Variants in PAK5 observed in about 807,000 individuals in gnomAD.
PAK5 encodes serine/threonine-protein kinase PAK 5.
PAK5 carries 16 observed loss-of-function variants against 65.9 expected under a neutral mutation model. That is an observed-to-expected ratio of 0.24 (90% CI 0.16 to 0.37). The LOEUF is 0.37. Ranked by LOEUF, PAK5 falls within the 10% of genes least tolerant of loss-of-function variation. The pLI, the probability that PAK5 is intolerant of heterozygous loss-of-function variation, is 1.00. For synonymous variants in PAK5, 371 were observed against 354.9 expected, an observed-to-expected ratio of 1.05 and a Z score of -0.51; for missense variants, 785 against 903.9, an observed-to-expected ratio of 0.87 and a Z score of 1.69.
In PAK5 at chr20:9,565,717, A is replaced by G. The variant is rs535403659; in HGVS notation, c.1482+176T>C. Among the ~76,000 whole-genome samples, 53 of 152,366 alleles carry G rather than the reference A, an allele frequency of 3.5e-4. 1 individual carries two copies. The Middle Eastern group carries it at 0.01, about 29-fold the overall frequency. ...TACACATGAAGTACTTTATAGATGT[A>G]ACAGCCATATATGTGCATAGAAAAA... On this transcript the variant is annotated intron_variant, in intron 5 of 9. Coordinates refer to ENST00000353224, the MANE Select transcript of PAK5 (RefSeq NM_177990.4).
chr20:9,804,414 A>G (rs911090379), intron 1 of PAK5, among the ~76,000 whole-genome samples: 2 of 152,186 alleles, frequency 1.3e-5, no homozygotes, highest in African/African-American at 2.4e-5. Flanking sequence ...AAAAATTCAT[A>G]CATCTATGGT....
chr20:9,746,376 C>T lies in PAK5; in HGVS notation c.-161-34941G>A, dbSNP rs534560324. Among the ~76,000 whole-genome samples, 11 of 152,234 alleles carry T rather than the reference C, an allele frequency of 7.2e-5. 1 individual carries two copies. Among genetic ancestry groups the T allele is most frequent in the Admixed American group, 3.3e-4 (5 of 15,284 alleles). Reference sequence around the variant, plus strand: ...CATTCCTCGAGCTGAACCAGAAAAGCCAACAGTACCAAATCTCTAACTTTT... The same window carrying T: ...CATTCCTCGAGCTGAACCAGAAAAGTCAACAGTACCAAATCTCTAACTTTT... On this transcript the variant is annotated intron_variant, in intron 1 of 9. Coordinates refer to ENST00000353224, the MANE Select transcript of PAK5 (RefSeq NM_177990.4).
chr20:9,828,557 C>T (rs1265650989), intron 1 of PAK5, among the ~76,000 whole-genome samples: 1 of 152,142 alleles, frequency 6.6e-6, no homozygotes, highest in Non-Finnish European at 1.5e-5. Context: ...CCAGAAAGTT[C>T]ACTTCCTGGG....
chr20:9,580,619 T>C lies in PAK5; in HGVS notation c.516A>G (p.Val172=), dbSNP rs115731613. The change falls in exon 4 of 10, where the codon GTA becomes GTG. Residue 172 remains valine, a synonymous_variant. Coordinates refer to ENST00000353224, the MANE Select transcript of PAK5 (RefSeq NM_177990.4). ...AGGCCTCCCCGTGCTTCATTTTCAT[T>C]ACGTGCCCATTTTGCTTGGCTGCGT... ...GSHAAKQNGH[V]MKMKHGEAYY... 2,287 of 1,614,076 alleles carry C rather than the reference T, an allele frequency of 1.4e-3. 24 individuals are homozygous for C. In the African/African-American group the frequency reaches 0.027, roughly 19 times the overall value.
At chr20:9,628,900 G>A (rs555763101) in intron 3 of PAK5, among the ~76,000 whole-genome samples, 2 of 152,270 alleles carry the variant, frequency 1.3e-5, no homozygotes, top group African/African-American at 4.8e-5. Context: ...TGGAGTTGGT[G>A]GGTAGATGTC....
intron 1 of PAK5, among the ~76,000 whole-genome samples, chr20:9,809,259 A>G (rs1246593069): frequency 6.6e-6 from 1 of 152,054 alleles, no homozygotes; most frequent in Admixed American, 6.6e-5. Context: ...ACTGTCTGGA[A>G]AGGTAACTTG....
intron 3 of PAK5, among the ~76,000 whole-genome samples, chr20:9,633,509 G>T (rs1352190898): frequency 6.6e-6 from 1 of 152,178 alleles, no homozygotes; most frequent in East Asian, 1.9e-4. Context: ...TGCCACAAAA[G>T]AATAAATCTT....
intron 1 of PAK5, among the ~76,000 whole-genome samples, chr20:9,762,009 G>T (rs2048705830): frequency 6.6e-6 from 1 of 152,064 alleles, no homozygotes; most frequent in Non-Finnish European, 1.5e-5. Flanking sequence ...AATACAAAAA[G>T]GGGAATGAAC....
chr20:9,569,260 C>T (rs1408401454), intron 4 of PAK5, among the ~76,000 whole-genome samples: 1 of 152,074 alleles, frequency 6.6e-6, no homozygotes, highest in Non-Finnish European at 1.5e-5. Context: ...TTCTTTTAGC[C>T]ATGTAAAGTT....
chr20:9,640,782 C>G (rs1309073759), intron 3 of PAK5, among the ~76,000 whole-genome samples: 1 of 150,712 alleles, frequency 6.6e-6, no homozygotes, highest in Non-Finnish European at 1.5e-5. Flanking sequence ...GCTCTTAAGA[C>G]AGCGCGTCTG....
intron 1 of PAK5, among the ~76,000 whole-genome samples, chr20:9,755,799 A>G (rs889685374): frequency 6.6e-6 from 1 of 152,222 alleles, no homozygotes; most frequent in Non-Finnish European, 1.5e-5. Context: ...ATCCTCTTTT[A>G]AAACCAATAA....
At chr20:9,783,107 T>C (rs1249145064) in intron 1 of PAK5, among the ~76,000 whole-genome samples, 2 of 152,008 alleles carry the variant, frequency 1.3e-5, no homozygotes, top group Non-Finnish European at 2.9e-5. Context: ...CGGCTAATTT[T>C]GTATTTTTAG....
Position 9,663,182 on chromosome 20 carries a change from T to C in PAK5, c.-11-18843A>G, listed in dbSNP as rs554445692. On this transcript the variant is annotated intron_variant, in intron 2 of 9. Transcript: ENST00000353224. ...AATGAAGCAAAAACCATTGCAATGG[T>C]AAAATCTGATGTGGTTTGGGGCAAT... Among the ~76,000 whole-genome samples the C allele has an allele frequency of 4.6e-5, 7 of 152,306 alleles. No individual in the cohort carries two copies. The South Asian group carries it at 1.4e-3, about 32-fold the overall frequency.
At chr20:9,699,396 C>G (rs998591085) in intron 2 of PAK5, among the ~76,000 whole-genome samples, 1 of 151,870 alleles carries the variant, frequency 6.6e-6, no homozygotes, top group African/African-American at 2.4e-5. Context: ...TTACTCATCC[C>G]CCAGGTATGA....
intron 1 of PAK5, among the ~76,000 whole-genome samples, chr20:9,728,326 A>G (rs2048299020): frequency 6.6e-6 from 1 of 152,086 alleles, no homozygotes. Context: ...AAGTCACCCA[A>G]TCCCGGGTAC....
At chr20:9,819,963 G>A (rs60646630) in intron 1 of PAK5, among the ~76,000 whole-genome samples, 1,535 of 152,212 alleles carry the variant, frequency 0.01, 32 homozygotes, top group African/African-American at 0.035. Flanking sequence ...GCCCAAGAAA[G>A]AAAACTATAC....
At chr20:9,738,628 CAGAA>C (rs1466117111) in intron 1 of PAK5, among the ~76,000 whole-genome samples, 1 of 152,064 alleles carries the variant, frequency 6.6e-6, no homozygotes, top group Non-Finnish European at 1.5e-5. Context: ...CATACAGTGT[CAGAA>C]AGAAGATCAG....
At chr20:9,582,821 T>A (rs1220308359) in intron 3 of PAK5, among the ~76,000 whole-genome samples, 5 of 152,178 alleles carry the variant, frequency 3.3e-5, no homozygotes, top group Non-Finnish European at 7.3e-5. Flanking sequence ...TGGTTATTTA[T>A]TTTATACTTT....
intron 1 of PAK5, among the ~76,000 whole-genome samples, chr20:9,783,201 G>T (rs1700021891): frequency 6.6e-6 from 1 of 152,076 alleles, no homozygotes; most frequent in African/African-American, 2.4e-5. Context: ...CTCCCAAAGT[G>T]CTGGGATTAC....
Sources: gnomAD v4.1 joint callset for allele counts (sites outside exome capture counted in the v4.1 genomes callset) on GRCh38, gnomAD v4.1.1 for gene constraint, MANE v1.5 for transcripts, NCBI Gene and HGNC (gene_info 2026-07-23, HGNC 2026-07-21) for gene names.